The following TUBGCP2 variants were observed in gnomAD, a reference collection of about 807,000 sequenced individuals.
TUBGCP2 encodes the protein gamma-tubulin complex component 2.
In TUBGCP2, 55 loss-of-function variants were observed where a neutral mutation model predicts 92.2. That is an observed-to-expected ratio of 0.60 (90% CI 0.48 to 0.75). The LOEUF (loss-of-function observed/expected upper bound fraction) is 0.75. TUBGCP2 is among the 30% of genes least tolerant of loss of function. The pLI is 0.00. For synonymous variants in TUBGCP2, 533 were observed against 505.2 expected, an observed-to-expected ratio of 1.06 and a Z score of -0.74; for missense variants, 1,093 against 1,188.9, an observed-to-expected ratio of 0.92 and a Z score of 1.19.
intron 10 of TUBGCP2, 150 bp downstream of exon 10, chr10:133,288,690 T>C (rs1589825440): frequency 2.1e-6 from 2 of 957,238 alleles, no homozygotes; most frequent in African/African-American, 3.3e-5. Context: ...GAGTGCCAGG[T>C]CCTTGAGCTA....
chr10:133,305,438 G>A (rs1344891953), intron 1 of TUBGCP2, among the ~76,000 whole-genome samples: 4 of 152,084 alleles, frequency 2.6e-5, no homozygotes, highest in African/African-American at 4.8e-5. Context: ...AGCGCAGCCA[G>A]GCATTCGGGG....
upstream of TUBGCP2, chr10:133,311,859 T>C (rs1443619469): frequency 5.0e-6 from 8 of 1,613,202 alleles, no homozygotes; most frequent in African/African-American, 1.3e-5. Context: ...TCTGAGCTCT[T>C]TCTGAAACCC....
chr10:133,307,301 C>T (rs1457673880), intron 1 of TUBGCP2, among the ~76,000 whole-genome samples: 1 of 152,206 alleles, frequency 6.6e-6, no homozygotes, highest in Non-Finnish European at 1.5e-5. Context: ...GGGACGCGTG[C>T]TGAGGGAAGC....
At chr10:133,299,684 G>C (rs1004268510) in intron 3 of TUBGCP2, 81 bp from the exon 4 acceptor site, 2 of 1,275,004 alleles carry the variant, frequency 1.6e-6, no homozygotes, top group African/African-American at 1.5e-5. Flanking sequence ...GACACCACCA[G>C]GACGGCTCCC....
At chr10:133,299,163 C>G (rs1047890982) in intron 4 of TUBGCP2, among the ~76,000 whole-genome samples, 12 of 152,238 alleles carry the variant, frequency 7.9e-5, no homozygotes, top group South Asian at 4.1e-4. Flanking sequence ...CCTGGCAGCA[C>G]AACTCCCACG....
Position 133,283,937 on chromosome 10 carries a change from A to G in TUBGCP2, c.2090T>C (p.Met697Thr). The G allele has an allele frequency of 6.2e-7, 1 of 1,614,142 alleles. No homozygotes were observed. Among genetic ancestry groups the G allele is most frequent in the South Asian group, 1.1e-5 (1 of 91,080 alleles). Residue 697 changes from methionine (M) to threonine (T), a missense_variant, in exon 14 of 18, where the codon ATG becomes ACG. Transcript: ENST00000252936. ...GGTCGGTTCCATCACTTCAAACATC[A>G]TGTAGTATTGAATATTCTGGACGAA... ...LNFVQNIQYY[M>T]MFEVMEPTWH...
At position 133,279,692 on chromosome 10, in the gene TUBGCP2, G is replaced by A. The variant is rs541115080; in HGVS notation, c.*74C>T. 5,173 of 1,468,406 alleles carry A rather than the reference G, an allele frequency of 3.5e-3. 16 individuals are homozygous for A. The highest frequency in any genetic ancestry group is 4.3e-3 in the Non-Finnish European group (4,771 of 1,107,448). The allele number at this position is 1,468,406 out of a possible 1,614,324, so 91.0% of individuals were successfully genotyped here. A position where few individuals can be genotyped will look rare whatever the true frequency, so the allele number is the denominator to read the frequency against. ...TGCAAAGACAGAACACAGAGCATTCGATTTGAAAATTCTGGACCCATTTGC... is the reference window on the plus strand; with the variant it reads ...TGCAAAGACAGAACACAGAGCATTCAATTTGAAAATTCTGGACCCATTTGC... On this transcript the variant is annotated 3_prime_UTR_variant, in exon 18 of 18. Coordinates refer to ENST00000252936, the MANE Select transcript of TUBGCP2 (RefSeq NM_006659.4).
chr10:133,280,422 T>G (rs749865201), intron 17 of TUBGCP2, among the ~76,000 whole-genome samples: 1 of 152,116 alleles, frequency 6.6e-6, no homozygotes, highest in Non-Finnish European at 1.5e-5. Context: ...AAAGCACAAA[T>G]AGGCACCTTC....
In TUBGCP2 at chr10:133,279,346, A is replaced by G. The variant is rs529418828; in HGVS notation, c.*420T>C. The G allele has an allele frequency of 1.0e-3, 179 of 173,430 alleles. No homozygotes were observed. Among genetic ancestry groups the G allele is most frequent in the African/African-American group, 4.0e-3 (168 of 41,820 alleles). The allele number at this position is 173,430 out of a possible 1,614,324, so 10.7% of individuals were successfully genotyped here. A position where few individuals can be genotyped will look rare whatever the true frequency, so the allele number is the denominator to read the frequency against. ...GACACCCGATGCCCGGTGGGTTTCC[A>G]CAACTCCCTGACCGTTTCCAGAGGC... On this transcript the variant is annotated 3_prime_UTR_variant, in exon 18 of 18. Transcript: ENST00000252936.
At chr10:133,295,085 G>GGTGGGGTGGGGGTGCC (rs1399868553) in intron 5 of TUBGCP2, 9 of 152,192 alleles carry the variant, frequency 5.9e-5, no homozygotes, top group Non-Finnish European at 7.3e-5. Context: ...GAAGCCTCAC[G>GGTGGGGTGGGGGTGCC]GTGGGGTGGA....
chr10:133,292,888 T>C, intron 7 of TUBGCP2, 151 bp downstream of exon 7: 7 of 1,096,614 alleles, frequency 6.4e-6, no homozygotes, highest in South Asian at 4.9e-5. Context: ...CTCTTGCAAG[T>C]TAATAGCACA....
At chr10:133,305,905 C>T (rs1008680406) in intron 1 of TUBGCP2, among the ~76,000 whole-genome samples, 1 of 152,258 alleles carries the variant, frequency 6.6e-6, no homozygotes, top group Non-Finnish European at 1.5e-5. Flanking sequence ...ACTGACGTGG[C>T]TACTTCTAGG....
intron 5 of TUBGCP2, among the ~76,000 whole-genome samples, chr10:133,297,004 G>A (rs1266052996): frequency 6.6e-6 from 1 of 152,230 alleles, no homozygotes; most frequent in Non-Finnish European, 1.5e-5. Flanking sequence ...TAGTGGGGAA[G>A]CAGACCACGC....
At position 133,281,320 on chromosome 10, in the gene TUBGCP2, G is replaced by C; in HGVS notation, c.2526C>G (p.Ile842Met). 1 of 1,613,354 alleles carries C rather than the reference G, an allele frequency of 6.2e-7. No homozygotes were observed. Among genetic ancestry groups the C allele is most frequent in the Non-Finnish European group, 8.5e-7 (1 of 1,180,002 alleles). ...HLLDLLARLS[I>M]YSTSDCEHGM... ...CGTGCTCACAGTCACTGGTGCTATA[G>C]ATGCTCAGCCGGGCCAGGAGGTCCA... is the stretch of plus-strand genomic sequence containing the variant. The change falls in exon 17 of 18, where the codon ATC (isoleucine) becomes ATG (methionine). Residue 842 changes from isoleucine (I) to methionine (M), a missense_variant. By Grantham distance (10) the Ile-to-Met change is conservative (BLOSUM62 1). Around this residue, in one of 3 missense-constraint regions of TUBGCP2, gnomAD observed 598 missense variants for 675.5 expected, o/e 0.89. Transcript: ENST00000252936.
chr10:133,297,349 G>A (rs1042717053), intron 5 of TUBGCP2: 4 of 426,282 alleles, frequency 9.4e-6, no homozygotes, highest in Non-Finnish European at 1.8e-5. Flanking sequence ...AGTGTGCCGA[G>A]ATCACGCCAC....
chr10:133,284,054 C>T (rs751731938), intron 13 of TUBGCP2, 52 bp from the exon 14 acceptor site: 26 of 1,592,554 alleles, frequency 1.6e-5, no homozygotes, highest in Admixed American at 1.5e-4. Context: ...GCCCCGACAG[C>T]GCCCACCAAG....
chr10:133,300,921 T>C (rs560515208), intron 2 of TUBGCP2, among the ~76,000 whole-genome samples: 1 of 152,130 alleles, frequency 6.6e-6, no homozygotes, highest in Admixed American at 6.5e-5. Flanking sequence ...TTCCCCCCAG[T>C]AGTTTATGCG....
At chr10:133,307,968 A>G (rs1391800532) in intron 1 of TUBGCP2, among the ~76,000 whole-genome samples, 1 of 152,198 alleles carries the variant, frequency 6.6e-6, no homozygotes, top group Non-Finnish European at 1.5e-5. Context: ...GTACAGGGGC[A>G]GGCATGGTGG....
chr10:133,290,538 A>G (rs1308980936), intron 8 of TUBGCP2: 1 of 152,396 alleles, frequency 6.6e-6, no homozygotes, highest in Non-Finnish European at 1.5e-5. Flanking sequence ...AAACCTACAA[A>G]CCTCGCTCTG....
Sources: allele counts gnomAD v4.1 joint callset (sites outside exome capture counted in the v4.1 genomes callset), GRCh38; gene constraint gnomAD v4.1.1; regional missense constraint gnomAD v4.1.1; transcripts MANE v1.5; gene names NCBI Gene and HGNC (gene_info 2026-07-23, HGNC 2026-07-21).